The following ABTB3 variants were observed in gnomAD, a reference collection of about 807,000 sequenced individuals.
ABTB3 encodes the protein ankyrin repeat and BTB domain containing 3.
chr12:107,656,394 AT>A, the ABTB3 span, among the ~76,000 whole-genome samples: 1 of 152,204 alleles, frequency 6.6e-6, no homozygotes, highest in East Asian at 1.9e-4. Flanking sequence ...CCAGCTAAAT[AT>A]TTTCAACTTT....
At chr12:107,505,508 T>A in the ABTB3 span, among the ~76,000 whole-genome samples, 3 of 152,096 alleles carry the variant, frequency 2.0e-5, no homozygotes, top group Non-Finnish European at 4.4e-5. Flanking sequence ...CAGCAAATAT[T>A]GGCTCGATTG....
the ABTB3 span, among the ~76,000 whole-genome samples, chr12:107,411,210 G>A: frequency 1.3e-5 from 2 of 152,308 alleles, no homozygotes; most frequent in African/African-American, 4.8e-5. Context: ...TGAGGCACGA[G>A]AATCACTTGA....
chr12:107,585,167 A>G, the ABTB3 span, among the ~76,000 whole-genome samples: 22,014 of 152,112 alleles, frequency 0.14, 1,735 homozygotes, highest in East Asian at 0.29. Flanking sequence ...CTGTGTTAAA[A>G]TAAAGATGGT....
the ABTB3 span, among the ~76,000 whole-genome samples, chr12:107,529,761 A>T: frequency 3.3e-5 from 5 of 152,212 alleles, no homozygotes; most frequent in African/African-American, 1.2e-4. Flanking sequence ...TCTAGTTAGT[A>T]GCCGGTTGGA....
chr12:107,386,674 C>T, the ABTB3 span, among the ~76,000 whole-genome samples: 15 of 152,182 alleles, frequency 9.9e-5, no homozygotes, highest in Admixed American at 9.8e-4. Context: ...ACAGCCCTGA[C>T]TGATCATTCC....
chr12:107,393,499 C>A, the ABTB3 span, among the ~76,000 whole-genome samples: 2 of 152,334 alleles, frequency 1.3e-5, no homozygotes, highest in East Asian at 3.9e-4. Flanking sequence ...CCCAGTGGCA[C>A]TGACCACAGT....
the ABTB3 span, among the ~76,000 whole-genome samples, chr12:107,324,047 C>T: frequency 6.6e-6 from 1 of 152,172 alleles, no homozygotes; most frequent in Non-Finnish European, 1.5e-5. Context: ...CCAGTTTCCT[C>T]AGCTGTAAAA....
the ABTB3 span, chr12:107,635,443 A>G: frequency 6.5e-7 from 1 of 1,546,020 alleles, no homozygotes; most frequent in South Asian, 1.1e-5. Context: ...TTTAAGGACG[A>G]GGAGCCAAAG....
chr12:107,657,721 C>T, the ABTB3 span: 578 of 1,613,892 alleles, frequency 3.6e-4, 4 homozygotes, highest in African/African-American at 6.7e-3. Flanking sequence ...TGGTATGAAA[C>T]GCCTAGTGCA....
At chr12:107,553,689 A>G in the ABTB3 span, among the ~76,000 whole-genome samples, 1 of 152,206 alleles carries the variant, frequency 6.6e-6, no homozygotes, top group Non-Finnish European at 1.5e-5. Flanking sequence ...CTGTAATCCC[A>G]GCATTTTGGG....
At chr12:107,457,377 G>T in the ABTB3 span, among the ~76,000 whole-genome samples, 1 of 152,252 alleles carries the variant, frequency 6.6e-6, no homozygotes, top group Non-Finnish European at 1.5e-5. Context: ...CCTGGCAGCA[G>T]AGCTGGCTTG....
the ABTB3 span, among the ~76,000 whole-genome samples, chr12:107,509,379 G>A: frequency 6.6e-6 from 1 of 152,212 alleles, no homozygotes; most frequent in East Asian, 1.9e-4. Context: ...GAAGCTTGAA[G>A]TACATGTGGA....
chr12:107,355,257 G>C, the ABTB3 span, among the ~76,000 whole-genome samples: 4 of 152,222 alleles, frequency 2.6e-5, no homozygotes, highest in Admixed American at 2.6e-4. Context: ...GAGCCTTCCT[G>C]GGGTGGAGAC....
chr12:107,618,718 C>G, the ABTB3 span, among the ~76,000 whole-genome samples: 1 of 152,234 alleles, frequency 6.6e-6, no homozygotes, highest in Non-Finnish European at 1.5e-5. Flanking sequence ...GCCCTACACC[C>G]AGAGGCTCTG....
chr12:107,560,043 A>G, the ABTB3 span, among the ~76,000 whole-genome samples: 36 of 152,226 alleles, frequency 2.4e-4, no homozygotes, highest in African/African-American at 8.7e-4. Context: ...TACACTGTGT[A>G]TATATAATTT....
At chr12:107,399,381 G>A in the ABTB3 span, among the ~76,000 whole-genome samples, 3 of 152,180 alleles carry the variant, frequency 2.0e-5, no homozygotes, top group Non-Finnish European at 2.9e-5. Flanking sequence ...CAGGGGCACA[G>A]CACCCCACCC....
chr12:107,389,893 T>C, the ABTB3 span, among the ~76,000 whole-genome samples: 1 of 151,234 alleles, frequency 6.6e-6, no homozygotes, highest in Non-Finnish European at 1.5e-5. Flanking sequence ...TATGTATCTG[T>C]CTGTTCTCCT....
the ABTB3 span, among the ~76,000 whole-genome samples, chr12:107,505,720 G>A: frequency 6.6e-6 from 1 of 151,846 alleles, no homozygotes; most frequent in African/African-American, 2.4e-5. Flanking sequence ...AATGTGTTTT[G>A]TTCCCCTCTA....
the ABTB3 span, among the ~76,000 whole-genome samples, chr12:107,539,942 A>G: frequency 2.0e-5 from 3 of 152,166 alleles, no homozygotes; most frequent in African/African-American, 7.2e-5. Context: ...TCTGCCTCTA[A>G]AAGAGAATGT....
Sources: allele counts gnomAD v4.1 joint callset (sites outside exome capture counted in the v4.1 genomes callset), GRCh38; gene constraint gnomAD v4.1.1; transcripts MANE v1.5; gene names NCBI Gene and HGNC (gene_info 2026-07-23, HGNC 2026-07-21).